LYN: variants seen among roughly 807,000 people sequenced by gnomAD.
The protein encoded by LYN is tyrosine-protein kinase Lyn.
A neutral mutation model predicts 65.0 loss-of-function variants in LYN; 12 were observed. The ratio of observed to expected loss-of-function variants is 0.18; its 90% CI spans 0.12 to 0.30. The LOEUF (loss-of-function observed/expected upper bound fraction) is 0.30. LYN is among the 10% of genes least tolerant of loss of function. The probability of loss-of-function intolerance (pLI) is 1.00; values close to 1 mark genes in which losing one functional copy is unlikely to be tolerated. For synonymous variants in LYN, 222 were observed against 221.2 expected (o/e 1.00, Z -0.03); for missense variants, 380 against 623.2 (o/e 0.61, Z 4.16).
At chr8:55,956,380 G>A (rs1807112227) in intron 8 of LYN, among the ~76,000 whole-genome samples, 2 of 152,138 alleles carry the variant, frequency 1.3e-5, no homozygotes, top group South Asian at 4.1e-4. Context: ...GCAGTACTGT[G>A]TTCTCAGGGC....
intron 8 of LYN, 113 bp downstream of exon 8, chr8:55,954,097 A>G (rs907371924): frequency 8.3e-7 from 1 of 1,203,612 alleles, no homozygotes; most frequent in African/African-American, 1.5e-5. Flanking sequence ...TGTCAGAAGC[A>G]TCATTTATTT....
At chr8:55,902,810 T>C (rs2130385492) in intron 1 of LYN, 1 of 509,828 alleles carries the variant, frequency 2.0e-6, no homozygotes, top group African/African-American at 1.9e-5. Flanking sequence ...TTAACTATTT[T>C]TGGACACCTT....
intron 10 of LYN, among the ~76,000 whole-genome samples, chr8:55,971,565 C>G (rs1807610456): frequency 1.3e-5 from 2 of 152,192 alleles, no homozygotes; most frequent in African/African-American, 2.4e-5. Context: ...GTGGTCACAG[C>G]CGTTCCATCT....
At chr8:55,964,563 A>C (rs948828871) in intron 8 of LYN, among the ~76,000 whole-genome samples, 5 of 152,198 alleles carry the variant, frequency 3.3e-5, no homozygotes, top group African/African-American at 9.6e-5. Context: ...TAAAAAAATC[A>C]TTTTTTAAAA....
At chr8:56,001,782 A>G (rs1808519740) in intron 12 of LYN, among the ~76,000 whole-genome samples, 2 of 152,176 alleles carry the variant, frequency 1.3e-5, no homozygotes, top group Non-Finnish European at 1.5e-5. Context: ...TAAACATACA[A>G]TCTCATAAAA....
intron 1 of LYN, among the ~76,000 whole-genome samples, chr8:55,925,233 C>T (rs1440895010): frequency 6.6e-6 from 1 of 152,118 alleles, no homozygotes; most frequent in East Asian, 1.9e-4. Context: ...GGCAATCCTC[C>T]CACATCAGCC....
intron 1 of LYN, among the ~76,000 whole-genome samples, chr8:55,908,111 A>G (rs1026059801): frequency 4.6e-5 from 7 of 152,162 alleles, no homozygotes; most frequent in Non-Finnish European, 1.0e-4. Flanking sequence ...CTCGTTAGCC[A>G]TACCATGGAT....
intron 1 of LYN, among the ~76,000 whole-genome samples, chr8:55,928,302 C>A (rs192779879): frequency 6.6e-6 from 1 of 152,164 alleles, no homozygotes; most frequent in Admixed American, 6.5e-5. Flanking sequence ...AGCGCCACCA[C>A]GCCCGGCTAG....
chr8:55,942,075 C>T lies in LYN; in HGVS notation c.132+84C>T. 6 of 1,406,116 alleles carry T rather than the reference C, an allele frequency of 4.3e-6. No individual in the cohort carries two copies. The South Asian group carries it at 7.8e-5, about 18-fold the overall frequency. 87.1% of individuals were successfully genotyped at this position (1,406,116 alleles called of 1,614,324 possible). On this transcript the variant is annotated intron_variant, in intron 2 of 12. Coordinates refer to ENST00000519728, the MANE Select transcript of LYN (RefSeq NM_002350.4). ...TTTAAACACCAGTCTGTAATATGTG[C>T]ATGCAAAAAAATTCCATTGATTACT...
chr8:55,920,578 A>G (rs138302388), intron 1 of LYN, among the ~76,000 whole-genome samples: 46 of 152,364 alleles, frequency 3.0e-4, no homozygotes, highest in African/African-American at 1.0e-3. Flanking sequence ...AGTTTAATGA[A>G]GTAACTTGCT....
At chr8:55,993,541 A>G (rs1160913420) in intron 10 of LYN, among the ~76,000 whole-genome samples, 1 of 152,156 alleles carries the variant, frequency 6.6e-6, no homozygotes, top group Non-Finnish European at 1.5e-5. Context: ...CCTGGTGTAA[A>G]TGGGAGCATT....
At chr8:55,922,090 T>C (rs942048446) in intron 1 of LYN, among the ~76,000 whole-genome samples, 3 of 152,058 alleles carry the variant, frequency 2.0e-5, no homozygotes, top group Non-Finnish European at 4.4e-5. Context: ...GATCACAGTT[T>C]CATTTTTATT....
At chr8:55,974,884 G>C (rs1318913177) in intron 10 of LYN, among the ~76,000 whole-genome samples, 1 of 152,144 alleles carries the variant, frequency 6.6e-6, no homozygotes, top group South Asian at 2.1e-4. Flanking sequence ...AGACGTGGTG[G>C]CAAGTGGAAG....
intron 10 of LYN, among the ~76,000 whole-genome samples, chr8:55,970,420 G>T (rs1274752169): frequency 6.6e-6 from 1 of 152,136 alleles, no homozygotes; most frequent in Non-Finnish European, 1.5e-5. Context: ...AAATATCAAG[G>T]AAATGCACAC....
intron 1 of LYN, among the ~76,000 whole-genome samples, chr8:55,901,213 G>C (rs1266261718): frequency 1.3e-5 from 2 of 152,036 alleles, no homozygotes; most frequent in East Asian, 3.8e-4. Flanking sequence ...CTTCTGAATA[G>C]TTCTCCGATT....
At chr8:55,962,545 A>T (rs965637572) in intron 8 of LYN, among the ~76,000 whole-genome samples, 3 of 148,376 alleles carry the variant, frequency 2.0e-5, no homozygotes, top group African/African-American at 7.5e-5. Flanking sequence ...GGTGAGATGC[A>T]TCTGTGGCTA....
intron 1 of LYN, among the ~76,000 whole-genome samples, chr8:55,935,730 G>A (rs1047897646): frequency 8.8e-5 from 13 of 147,540 alleles, no homozygotes; most frequent in African/African-American, 2.3e-4. Context: ...GCAGTGAGCC[G>A]AGATCGCACC....
At chr8:55,884,713 A>C (rs1804744111) in intron 1 of LYN, among the ~76,000 whole-genome samples, 1 of 152,044 alleles carries the variant, frequency 6.6e-6, no homozygotes, top group African/African-American at 2.4e-5. Context: ...CGGCCTCCCA[A>C]AATGCTGGGA....
At chr8:55,922,657 T>C (rs542354415) in intron 1 of LYN, among the ~76,000 whole-genome samples, 6 of 151,894 alleles carry the variant, frequency 4.0e-5, no homozygotes, top group Admixed American at 1.3e-4. Flanking sequence ...ATCCCAGCTA[T>C]TGGGGGAGCT....
Sources: allele counts gnomAD v4.1 joint callset (sites outside exome capture counted in the v4.1 genomes callset), GRCh38; gene constraint gnomAD v4.1.1; transcripts MANE v1.5; gene names NCBI Gene and HGNC (gene_info 2026-07-23, HGNC 2026-07-21).